TEX29: variants seen among roughly 807,000 people sequenced by gnomAD.
TEX29 encodes testis expressed 29.
In TEX29, 26 loss-of-function variants were observed where a neutral mutation model predicts 18.2. The observed-to-expected ratio is 1.43, with a 90% CI of 1.04 to 1.98. The LOEUF (loss-of-function observed/expected upper bound fraction) is 1.98, where lower values mean the gene tolerates loss of function less well. Among genes scored for constraint, TEX29 ranks in the 30% most tolerant of loss-of-function variants. The pLI is 0.00. For synonymous variants in TEX29, 83 were observed against 78.5 expected (o/e 1.06, Z -0.31); for missense variants, 177 against 194.2 (o/e 0.91, Z 0.53).
At chr13:111,330,879 C>T (rs1595688827) in intron 3 of TEX29, among the ~76,000 whole-genome samples, 1 of 152,186 alleles carries the variant, frequency 6.6e-6, no homozygotes, top group Non-Finnish European at 1.5e-5. Flanking sequence ...GCTATCAGTA[C>T]TTCCTTTCTG....
intron 3 of TEX29, among the ~76,000 whole-genome samples, chr13:111,331,105 A>T (rs1201006488): frequency 2.0e-5 from 3 of 152,118 alleles, no homozygotes; most frequent in Non-Finnish European, 2.9e-5. Flanking sequence ...TCTATGCTTA[A>T]ATTTTTAGGG....
chr13:111,339,970 A>T, intron 4 of TEX29, 38 bp downstream of exon 4: 1 of 1,311,912 alleles, frequency 7.6e-7, no homozygotes. Context: ...GGTGGGGAGG[A>T]GGGGACTCAC....
chr13:111,330,604 T>G (rs2153641648), intron 3 of TEX29, among the ~76,000 whole-genome samples: 1 of 152,330 alleles, frequency 6.6e-6, no homozygotes, highest in South Asian at 2.1e-4. Flanking sequence ...ACCATAAAAT[T>G]CACCTTTTAA....
chr13:111,326,666 T>TGGA (rs112325169), intron 2 of TEX29, among the ~76,000 whole-genome samples: 361 of 22,434 alleles, frequency 0.016, 1 homozygote, highest in Middle Eastern at 0.042. Context: ...TCTGGTGGGG[T>TGGA]GGAGACTGCG....
intron 2 of TEX29, among the ~76,000 whole-genome samples, chr13:111,322,453 A>T (rs1028253485): frequency 6.6e-6 from 1 of 152,228 alleles, no homozygotes. Context: ...TAAGCAGTGC[A>T]GCTGTTGTGT....
chr13:111,321,925 A>G (rs892159066), intron 2 of TEX29, among the ~76,000 whole-genome samples: 6 of 152,242 alleles, frequency 3.9e-5, no homozygotes, highest in Non-Finnish European at 7.3e-5. Flanking sequence ...CTCCGCCTCA[A>G]AAACAAACAA....
At chr13:111,318,653 G>A (rs2391932), upstream of TEX29, among the ~76,000 whole-genome samples, 15,119 of 152,264 alleles carry the variant, frequency 0.099, 809 homozygotes, top group South Asian at 0.19. Flanking sequence ...CATTGATGAC[G>A]TGGTTCTCCA....
intron 2 of TEX29, among the ~76,000 whole-genome samples, chr13:111,327,095 A>G (rs1333118028): frequency 1.3e-5 from 2 of 152,134 alleles, no homozygotes; most frequent in Non-Finnish European, 2.9e-5. Flanking sequence ...GGTCAGCTCA[A>G]ATCACACACA....
intron 5 of TEX29, among the ~76,000 whole-genome samples, chr13:111,343,687 C>T (rs9652151): frequency 0.025 from 3,800 of 152,226 alleles, 153 homozygotes; most frequent in African/African-American, 0.087. Context: ...ACGGCCTGGC[C>T]TTACCCATTG....
At chr13:111,323,781 G>A (rs948036009) in intron 2 of TEX29, among the ~76,000 whole-genome samples, 5 of 152,048 alleles carry the variant, frequency 3.3e-5, no homozygotes, top group Admixed American at 1.3e-4. Flanking sequence ...ACGCGCTCCA[G>A]GCAGGAAGGC....
At chr13:111,340,027 G>C (rs1234993074) in intron 4 of TEX29, 95 bp downstream of exon 4, 1 of 1,205,166 alleles carries the variant, frequency 8.3e-7, no homozygotes, top group Non-Finnish European at 1.2e-6. Flanking sequence ...TTCGGGCTTG[G>C]TGCTGCTGGG....
At chr13:111,334,838 C>T (rs1483972362) in intron 3 of TEX29, among the ~76,000 whole-genome samples, 13 of 152,296 alleles carry the variant, frequency 8.5e-5, no homozygotes, top group East Asian at 5.8e-4. Flanking sequence ...GACAACTCTC[C>T]GACGATGGGG....
upstream of TEX29, among the ~76,000 whole-genome samples, chr13:111,318,319 A>G (rs1000950680): frequency 1.3e-5 from 2 of 152,200 alleles, no homozygotes; most frequent in Non-Finnish European, 2.9e-5. Flanking sequence ...GGAAGACTGC[A>G]CAGTCTACCC....
chr13:111,330,302 G>A (rs1461575678), intron 3 of TEX29, among the ~76,000 whole-genome samples: 1 of 152,192 alleles, frequency 6.6e-6, no homozygotes, highest in Non-Finnish European at 1.5e-5. Flanking sequence ...GCTCCAGAGA[G>A]GGTGTCTGTC....
intron 2 of TEX29, among the ~76,000 whole-genome samples, chr13:111,325,574 G>T (rs1002987670): frequency 1.3e-5 from 2 of 152,216 alleles, no homozygotes; most frequent in Non-Finnish European, 2.9e-5. Context: ...AGCCTGTTAG[G>T]GGTTGTGGAG....
rs1048595789 is a variant in TEX29, at chr13:111,334,414, C to T, written c.170-5449C>T. 5.3e-5 allele frequency among the ~76,000 whole-genome samples: 8 copies of T among 152,346 alleles called. No homozygotes were observed. In the South Asian group the frequency reaches 1.4e-3, roughly 28 times the overall value. On this transcript the variant is annotated intron_variant, in intron 3 of 5. Transcript: ENST00000283547. The stretch of plus-strand genomic sequence containing the variant: ...AGACTTTGCATAGGGGTTCTGTGTG[C>T]GTGCTGAGGCACACCTTCAACAAAG...
rs534776130 is a variant in TEX29 at position 111,328,894 on chromosome 13, G to A, written c.169+601G>A. ...GGAGGCGTTGCCACTCCCCATCCCCGTGAAGGCTTCCGGAGGGAGGCGCGC... is the reference window on the plus strand; with the variant it reads ...GGAGGCGTTGCCACTCCCCATCCCCATGAAGGCTTCCGGAGGGAGGCGCGC... On this transcript the variant is annotated intron_variant, in intron 3 of 5. Transcript: ENST00000283547. Among the ~76,000 whole-genome samples, 5 of 152,360 alleles carry A rather than the reference G, an allele frequency of 3.3e-5. No individual in the cohort carries two copies. In the South Asian group the frequency reaches 1.0e-3, roughly 32 times the overall value.
chr13:111,330,722 C>A (rs923288972), intron 3 of TEX29, among the ~76,000 whole-genome samples: 3 of 152,312 alleles, frequency 2.0e-5, no homozygotes, highest in Admixed American at 2.0e-4. Context: ...CATTAGCAGT[C>A]GTGTCCTATC....
At chr13:111,326,701 G>A (rs1416404897) in intron 2 of TEX29, among the ~76,000 whole-genome samples, 2 of 150,360 alleles carry the variant, frequency 1.3e-5, no homozygotes, top group African/African-American at 4.9e-5. Flanking sequence ...GGCGCTGGCG[G>A]GTGTCTGGTG....
Sources: allele counts gnomAD v4.1 joint callset (sites outside exome capture counted in the v4.1 genomes callset), GRCh38; gene constraint gnomAD v4.1.1; transcripts MANE v1.5; gene names NCBI Gene and HGNC (gene_info 2026-07-23, HGNC 2026-07-21).